ZAN: variants seen among roughly 807,000 people sequenced by gnomAD.
ZAN encodes the protein zonadhesin, also known as zonadhesin (gene/pseudogene).
ZAN carries 260 observed loss-of-function variants against 286.2 expected under a neutral mutation model. The ratio of observed to expected loss-of-function variants is 0.91; its 90% CI spans 0.82 to 1.01. The LOEUF is 1.01. ZAN is among the 50% of genes least tolerant of loss of function. The pLI is 0.00. For synonymous variants in ZAN, 1,368 were observed against 1,417.5 expected (o/e 0.97, Z 0.79); for missense variants, 3,410 against 3,639.2 (o/e 0.94, Z 1.62).
chr7:100,763,132 T>G lies in ZAN; in HGVS notation c.3987-674T>G, dbSNP rs1468254237. Among the ~76,000 whole-genome samples the G allele has an allele frequency of 6.6e-6, 1 of 151,808 alleles. No individual in the cohort carries two copies. The highest frequency in any genetic ancestry group is 1.5e-5 in the Non-Finnish European group (1 of 67,958). On this transcript the variant is annotated intron_variant, in intron 20 of 47. Coordinates refer to ENST00000613979, the MANE Select transcript of ZAN (RefSeq NM_003386.3). The surrounding 1 kb of genome is among the most constrained non-coding windows in gnomAD (Gnocchi z 4.6). Reference sequence around the variant, plus strand: ...GGCACATGCCACCACACCTGTCTGATTTTTGTATTTTTAGTAGAGACGGGG... The same window carrying G: ...GGCACATGCCACCACACCTGTCTGAGTTTTGTATTTTTAGTAGAGACGGGG...
At chr7:100,796,986 A>G (rs1004381758) in intron 45 of ZAN, among the ~76,000 whole-genome samples, 2 of 151,980 alleles carry the variant, frequency 1.3e-5, no homozygotes, top group African/African-American at 2.4e-5. Context: ...AAATCACGAA[A>G]ATTAACCGGG....
chr7:100,757,764 A>AC (rs1473757063), intron 15 of ZAN, among the ~76,000 whole-genome samples: 34 of 146,930 alleles, frequency 2.3e-4, no homozygotes, highest in African/African-American at 8.6e-4. Flanking sequence ...CAAAAAAAAA[A>AC]AAAAAAACAA....
chr7:100,775,859 G>A lies in ZAN; in HGVS notation c.6192+26G>A, dbSNP rs749034103. The A allele has an allele frequency of 2.2e-5, 35 of 1,609,548 alleles. No homozygotes were observed. The Middle Eastern group carries it at 1.5e-3, about 68-fold the overall frequency. On this transcript the variant is annotated intron_variant, in intron 33 of 47. Coordinates refer to ENST00000613979, the MANE Select transcript of ZAN (RefSeq NM_003386.3). ...GTGAGGAAAACATCTGGCTCTTCTCGCTGGGGAGGCAGCCCCAGGGAGATT... is the reference window on the plus strand; with the variant it reads ...GTGAGGAAAACATCTGGCTCTTCTCACTGGGGAGGCAGCCCCAGGGAGATT...
At position 100,759,053 on chromosome 7, in the gene ZAN, G is replaced by C. The variant is rs184449718; in HGVS notation, c.3571+403G>C. ...AGCCTGGTCAACATGGTGAAACCCCGTCTCTACTAAAAATATAAAAAATTA... is the reference window on the plus strand; with the variant it reads ...AGCCTGGTCAACATGGTGAAACCCCCTCTCTACTAAAAATATAAAAAATTA... On this transcript the variant is annotated intron_variant, in intron 17 of 47. Transcript: ENST00000613979. Among the ~76,000 whole-genome samples the C allele has an allele frequency of 6.1e-3, 934 of 152,084 alleles. 9 individuals are homozygous for C. Among genetic ancestry groups the C allele is most frequent in the Middle Eastern group, 0.044 (13 of 294 alleles).
At position 100,758,281 on chromosome 7, in the gene ZAN, C is replaced by T. The variant is rs1809295344; in HGVS notation, c.3389C>T (p.Ser1130Phe). 2 of 1,613,370 alleles carry T rather than the reference C, an allele frequency of 1.2e-6. No individual in the cohort carries two copies. The highest frequency in any genetic ancestry group is 4.5e-5 in the East Asian group (2 of 44,876). The change falls in exon 16 of 48, where the codon TCT becomes TTT. Residue 1130 changes from serine (S) to phenylalanine (F), a missense_variant. This residue lies in a region of ZAN where 1,042 missense variants were observed against 1,058.0 expected (regional missense o/e 0.98). Transcript: ENST00000613979. ...GGCAGTCGGGTCGAGTGCCAGATCT[C>T]TCAGTGTGGGACACACACCGTGTGC... Reference protein sequence around the residue: ...WPGSRVECQISQCGTHTVCQL... With the variant: ...WPGSRVECQIFQCGTHTVCQL...
intron 7 of ZAN, among the ~76,000 whole-genome samples, chr7:100,745,294 A>G (rs1332213054): frequency 1.3e-5 from 2 of 150,870 alleles, no homozygotes; most frequent in African/African-American, 4.9e-5. Flanking sequence ...CCGCCATTCC[A>G]GCCTCTTCGC....
rs373967043 is a variant in ZAN, at chr7:100,752,151, C to G, written c.2046C>G (p.Pro682=). The G allele has an allele frequency of 5.7e-5, 92 of 1,612,022 alleles. No individual in the cohort carries two copies. The East Asian group carries it at 1.3e-3, about 23-fold the overall frequency. ...AGCCTGTCATCCCTACAGAAAAACC[C>G]AGCATCCCTACAGAAAAACCCAGCA... ...MEEPVIPTEK[P]SIPTEKPSIP... Residue 682 remains proline, a synonymous_variant, in exon 14 of 48, where the codon CCC becomes CCG. Transcript: ENST00000613979.
intron 7 of ZAN, among the ~76,000 whole-genome samples, chr7:100,743,523 AGG>A (rs1807962260): frequency 6.6e-6 from 1 of 152,086 alleles, no homozygotes; most frequent in Admixed American, 6.6e-5. Context: ...TCAAGCATAG[AGG>A]GTTCTGCTCC....
At chr7:100,779,932 C>T (rs1242234424) in intron 35 of ZAN, among the ~76,000 whole-genome samples, 182 bp downstream of exon 35, 2 of 152,180 alleles carry the variant, frequency 1.3e-5, no homozygotes, top group East Asian at 1.9e-4. Context: ...TGGTGGCTCA[C>T]GCCTATAATC....
At chr7:100,746,868 G>A (rs1249329897) in intron 8 of ZAN, among the ~76,000 whole-genome samples, 166 bp downstream of exon 8, 1 of 152,114 alleles carries the variant, frequency 6.6e-6, no homozygotes, top group Non-Finnish European at 1.5e-5. Flanking sequence ...TTGGGAGGCC[G>A]AGGCAGGCGG....
intron 42 of ZAN, among the ~76,000 whole-genome samples, chr7:100,792,699 G>A (rs1034256475): frequency 2.6e-5 from 4 of 152,000 alleles, no homozygotes; most frequent in East Asian, 1.9e-4. Context: ...CAGCACAACC[G>A]GCAGCCTGGC....
intron 37 of ZAN, among the ~76,000 whole-genome samples, chr7:100,787,397 A>C (rs1811629632): frequency 6.6e-6 from 1 of 152,028 alleles, no homozygotes; most frequent in African/African-American, 2.4e-5. Context: ...AGTCTGGGTG[A>C]CAGAATAAGA....
intron 14 of ZAN, among the ~76,000 whole-genome samples, chr7:100,753,432 G>A (rs1447023613): frequency 6.6e-6 from 1 of 152,214 alleles, no homozygotes; most frequent in East Asian, 1.9e-4. Context: ...GGCAGGGCTG[G>A]AGTGGGTGGG....
rs754496121 is a variant in ZAN, at chr7:100,767,157, A to G, written c.4760A>G (p.Asn1587Ser). 2.1e-5 allele frequency: 34 copies of G among 1,613,620 alleles called. No individual in the cohort carries two copies. The highest frequency in any genetic ancestry group is 1.8e-4 in the Admixed American group (11 of 59,954). The change falls in exon 25 of 48, where the codon AAC becomes AGC. Residue 1587 changes from asparagine (N) to serine (S), a missense_variant. This residue lies in a region of ZAN where 1,042 missense variants were observed against 1,058.0 expected (regional missense o/e 0.98). Coordinates refer to ENST00000613979, the MANE Select transcript of ZAN (RefSeq NM_003386.3). ...QDSYFVVSAT[N>S]ENRGGILEVS... is the part of the protein sequence containing the mutation. ...AGCTATTTTGTTGTGAGCGCCACCA[A>G]CGAGAACCGCGGGGGGATCCTGGAG...
At chr7:100,771,804 G>A (rs763270936) in intron 28 of ZAN, 40 bp from the exon 29 acceptor site, 17 of 1,583,722 alleles carry the variant, frequency 1.1e-5, no homozygotes, top group Middle Eastern at 1.7e-4. Flanking sequence ...GTTCCTTCCC[G>A]GCCCCTCCCC....
intron 19 of ZAN, among the ~76,000 whole-genome samples, chr7:100,761,642 A>G (rs1809588027): frequency 6.6e-6 from 1 of 151,822 alleles, no homozygotes; most frequent in Admixed American, 6.6e-5. Context: ...TCTAAAATAA[A>G]TAAAAAAATA....
intron 37 of ZAN, 143 bp from the exon 38 acceptor site, chr7:100,787,746 G>A: frequency 1.1e-6 from 1 of 877,806 alleles, no homozygotes; most frequent in Non-Finnish European, 1.6e-6. Flanking sequence ...ATTTTTAGTA[G>A]AGACAGGGTT....
intron 29 of ZAN, among the ~76,000 whole-genome samples, chr7:100,772,828 A>G (rs77592903): frequency 0.3 from 44,190 of 149,380 alleles, 7,233 homozygotes; most frequent in Non-Finnish European, 0.36. Context: ...ACAAGAAAAA[A>G]AAAATTGTTA....
intron 35 of ZAN, among the ~76,000 whole-genome samples, chr7:100,780,563 A>G (rs1179357499): frequency 1.3e-5 from 2 of 151,738 alleles, no homozygotes; most frequent in East Asian, 1.9e-4. Context: ...GGTCCCAGCT[A>G]CTTGTGGGGG....
Sources: gnomAD v4.1 joint callset for allele counts (sites outside exome capture counted in the v4.1 genomes callset) on GRCh38, gnomAD v4.1.1 for gene constraint, gnomAD v4.1.1 regional missense constraint, Gnocchi (gnomAD v3.1) non-coding constraint, MANE v1.5 for transcripts, NCBI Gene and HGNC (gene_info 2026-07-23, HGNC 2026-07-21) for gene names.